The following MRAP2 variants were observed in gnomAD, a reference collection of about 807,000 sequenced individuals.
MRAP2 encodes melanocortin-2 receptor accessory protein 2.
In MRAP2, 20 loss-of-function variants were observed where a neutral mutation model predicts 17.4. The observed-to-expected ratio is 1.15, with a 90% CI of 0.81 to 1.67. The LOEUF (loss-of-function observed/expected upper bound fraction) is 1.67, where lower values mean the gene tolerates loss of function less well. Ranked by LOEUF, MRAP2 falls within the 40% of genes most tolerant of loss-of-function variation. The pLI is 0.00. For missense variants in MRAP2, 238 were observed against 240.0 expected (o/e 0.99, Z 0.05); for synonymous variants, 96 against 88.4 (o/e 1.09, Z -0.48).
intron 3 of MRAP2, among the ~76,000 whole-genome samples, chr6:84,066,306 A>G (rs1283379162): frequency 4.6e-5 from 7 of 152,218 alleles, no homozygotes; most frequent in Non-Finnish European, 2.9e-5. Flanking sequence ...CCTCAGGGCC[A>G]TATTTTAAAT....
intron 2 of MRAP2, chr6:84,061,697 C>A: frequency 1.2e-6 from 1 of 865,638 alleles, no homozygotes; most frequent in South Asian, 5.3e-5. Flanking sequence ...GAAGCTGTGG[C>A]TAAGGTAAAT....
At chr6:84,080,336 G>A (rs983914759) in intron 3 of MRAP2, among the ~76,000 whole-genome samples, 1 of 152,198 alleles carries the variant, frequency 6.6e-6, no homozygotes, top group East Asian at 1.9e-4. Context: ...ACGCCCTATT[G>A]CCAGGGTTTT....
Position 84,046,403 on chromosome 6 carries a change from A to G in MRAP2, c.-7-8909A>G, listed in dbSNP as rs113857603. ...CAATGTAATCCATGAGAAGGACCTG[A>G]AAGCTTTGGAATGATAATTTGTAGT... is the stretch of plus-strand genomic sequence containing the variant. On this transcript the variant is annotated intron_variant, in intron 1 of 3. Transcript: ENST00000257776. Among the ~76,000 whole-genome samples the G allele has an allele frequency of 8.1e-3, 1,235 of 152,230 alleles. 10 individuals are homozygous for G. The highest frequency in any genetic ancestry group is 0.016 in the South Asian group (76 of 4,828).
intron 3 of MRAP2, among the ~76,000 whole-genome samples, chr6:84,087,062 G>GTCTC (rs2099500663): frequency 6.6e-6 from 1 of 152,148 alleles, no homozygotes; most frequent in African/African-American, 2.4e-5. Context: ...TCCGAGAGAG[G>GTCTC]TCTCAGTTAA....
intron 1 of MRAP2, among the ~76,000 whole-genome samples, chr6:84,048,240 T>C (rs552860110): frequency 1.3e-5 from 2 of 152,214 alleles, no homozygotes; most frequent in Non-Finnish European, 2.9e-5. Context: ...CTACCAGCAG[T>C]GCACAAGGGT....
downstream of MRAP2, among the ~76,000 whole-genome samples, chr6:84,093,547 A>G (rs1251759309): frequency 6.7e-6 from 1 of 150,144 alleles, no homozygotes; most frequent in Non-Finnish European, 1.5e-5. Context: ...GCTTTATTTT[A>G]GCTTGTACAC....
rs1400278724 is a variant in MRAP2, at chr6:84,083,869, T to C, written c.228-5222T>C. Among the ~76,000 whole-genome samples, 5 of 152,158 alleles carry C rather than the reference T, an allele frequency of 3.3e-5. No homozygotes were observed. The East Asian group carries it at 7.7e-4, about 23-fold the overall frequency. The stretch of plus-strand genomic sequence containing the variant: ...CACAAATACATAGAAGCAGATTCTC[T>C]CGCTTTCGTCTGGATATTTTAGTCA... On this transcript the variant is annotated intron_variant, in intron 3 of 3. Coordinates refer to ENST00000257776, the MANE Select transcript of MRAP2 (RefSeq NM_138409.4).
chr6:84,126,018 T>A, the MRAP2 span, among the ~76,000 whole-genome samples: 1 of 152,186 alleles, frequency 6.6e-6, no homozygotes, highest in Admixed American at 6.6e-5. Flanking sequence ...CTATATATTT[T>A]AAATAATCAT....
chr6:84,073,917 A>G (rs1343786728), intron 3 of MRAP2, among the ~76,000 whole-genome samples: 1 of 144,496 alleles, frequency 6.9e-6, no homozygotes, highest in Admixed American at 7.0e-5. Context: ...ATCAGCTATC[A>G]TTAGTGTTAG....
At chr6:84,076,675 T>C (rs1009805833) in intron 3 of MRAP2, among the ~76,000 whole-genome samples, 14 of 152,114 alleles carry the variant, frequency 9.2e-5, no homozygotes, top group African/African-American at 3.4e-4. Flanking sequence ...TATGTATCTT[T>C]AAAAGCCCAC....
At chr6:84,073,885 TGTG>T (rs796959123) in intron 3 of MRAP2, among the ~76,000 whole-genome samples, 1,390 of 133,590 alleles carry the variant, frequency 0.01, 28 homozygotes, top group African/African-American at 0.045. Context: ...TGTGTGTGTG[TGTG>T]TTTTTTTTTT....
chr6:84,140,004 A>AAAAG, the MRAP2 span, among the ~76,000 whole-genome samples: 1 of 150,264 alleles, frequency 6.7e-6, no homozygotes, highest in Non-Finnish European at 1.5e-5. Context: ...CCCAGTAAGA[A>AAAAG]AAAGAAAGGA....
chr6:84,065,909 T>G (rs2129168881), intron 3 of MRAP2, among the ~76,000 whole-genome samples: 1 of 152,284 alleles, frequency 6.6e-6, no homozygotes, highest in African/African-American at 2.4e-5. Flanking sequence ...GCCTTTGGAC[T>G]GTCTCCACCC....
At chr6:84,094,864 T>G (rs1404700103), downstream of MRAP2, among the ~76,000 whole-genome samples, 2 of 152,044 alleles carry the variant, frequency 1.3e-5, no homozygotes, top group Non-Finnish European at 2.9e-5. Context: ...GCCAGATAAT[T>G]TTTTTTCTAT....
the MRAP2 span, among the ~76,000 whole-genome samples, chr6:84,140,413 T>C: frequency 6.6e-6 from 1 of 152,162 alleles, no homozygotes; most frequent in Non-Finnish European, 1.5e-5. Context: ...AGGTCTTTGT[T>C]TTCTTAGGCT....
At chr6:84,093,074 A>C (rs1042372764), downstream of MRAP2, among the ~76,000 whole-genome samples, 1 of 152,154 alleles carries the variant, frequency 6.6e-6, no homozygotes, top group African/African-American at 2.4e-5. Flanking sequence ...TTAGCTGAGT[A>C]GTTTTATCAG....
the MRAP2 span, among the ~76,000 whole-genome samples, chr6:84,128,654 G>A: frequency 6.6e-6 from 1 of 151,864 alleles, no homozygotes; most frequent in Non-Finnish European, 1.5e-5. Flanking sequence ...AATAAAATAA[G>A]GTATATAAAA....
the MRAP2 span, among the ~76,000 whole-genome samples, chr6:84,104,919 T>C: frequency 0.012 from 1,879 of 152,240 alleles, 34 homozygotes; most frequent in African/African-American, 0.042. Context: ...CTGTCTCAAG[T>C]TCAAAGTTCC....
At chr6:84,140,365 A>G in the MRAP2 span, among the ~76,000 whole-genome samples, 1 of 151,810 alleles carries the variant, frequency 6.6e-6, no homozygotes, top group Non-Finnish European at 1.5e-5. Context: ...GGCTTGAAAC[A>G]CCATTTTCAC....
Sources: allele counts gnomAD v4.1 joint callset (sites outside exome capture counted in the v4.1 genomes callset), GRCh38; gene constraint gnomAD v4.1.1; transcripts MANE v1.5; gene names NCBI Gene and HGNC (gene_info 2026-07-23, HGNC 2026-07-21).